Variants in ST6GALNAC3 observed in about 807,000 individuals in gnomAD.
The protein encoded by ST6GALNAC3 is alpha-N-acetylgalactosaminide alpha-2,6-sialyltransferase 3.
ST6GALNAC3 carries 25 observed loss-of-function variants against 32.7 expected under a neutral mutation model. That is an observed-to-expected ratio of 0.76 (90% CI 0.56 to 1.07). The LOEUF (loss-of-function observed/expected upper bound fraction) is 1.07, where lower values mean the gene tolerates loss of function less well. Ranked by LOEUF, ST6GALNAC3 falls within the 50% of genes least tolerant of loss-of-function variation. ST6GALNAC3 has a pLI of 0.00. For missense variants in ST6GALNAC3, 355 were observed against 382.4 expected (o/e 0.93, Z 0.60); for synonymous variants, 129 against 133.1 (o/e 0.97, Z 0.21).
intron 2 of ST6GALNAC3, among the ~76,000 whole-genome samples, chr1:76,369,125 G>A (rs371479981): frequency 2.0e-5 from 3 of 152,078 alleles, no homozygotes; most frequent in South Asian, 2.1e-4. Context: ...ATCAGAATCC[G>A]ATGTAACCAG....
chr1:76,145,859 T>C (rs772138857), intron 1 of ST6GALNAC3, among the ~76,000 whole-genome samples: 6 of 152,236 alleles, frequency 3.9e-5, no homozygotes, highest in Non-Finnish European at 5.9e-5. Flanking sequence ...TATGTGTTTT[T>C]CTAAGTTTCT....
At chr1:76,180,466 T>C (rs1248725339) in intron 1 of ST6GALNAC3, among the ~76,000 whole-genome samples, 2 of 152,102 alleles carry the variant, frequency 1.3e-5, no homozygotes, top group African/African-American at 4.8e-5. Flanking sequence ...TTACAAAGGC[T>C]CCACCCTCAA....
At chr1:76,284,949 T>C (rs770625207) in intron 1 of ST6GALNAC3, among the ~76,000 whole-genome samples, 3 of 152,028 alleles carry the variant, frequency 2.0e-5, no homozygotes, top group Non-Finnish European at 2.9e-5. Flanking sequence ...TGTGGATAGG[T>C]GTTTCTGGAT....
intron 1 of ST6GALNAC3, among the ~76,000 whole-genome samples, chr1:76,094,495 A>T (rs763819096): frequency 2.0e-5 from 3 of 152,186 alleles, no homozygotes; most frequent in Non-Finnish European, 4.4e-5. Context: ...TTTACAAAGA[A>T]GAAAACTGAG....
At chr1:76,113,979 C>A (rs532454791) in intron 1 of ST6GALNAC3, among the ~76,000 whole-genome samples, 12 of 151,152 alleles carry the variant, frequency 7.9e-5, no homozygotes, top group Non-Finnish European at 1.5e-5. Flanking sequence ...CGCCTGCCAC[C>A]ACGCCCGGCT....
At chr1:76,498,129 G>A (rs1188799180) in intron 3 of ST6GALNAC3, among the ~76,000 whole-genome samples, 3 of 152,166 alleles carry the variant, frequency 2.0e-5, no homozygotes, top group Non-Finnish European at 2.9e-5. Context: ...GCTTCTGGTA[G>A]CCCAGGCAGA....
chr1:76,286,329 G>T (rs552890120), intron 1 of ST6GALNAC3, among the ~76,000 whole-genome samples: 4 of 152,304 alleles, frequency 2.6e-5, no homozygotes, highest in African/African-American at 9.6e-5. Flanking sequence ...AATGATTATT[G>T]TATCTTCTCT....
chr1:76,313,779 CTTT>C, intron 1 of ST6GALNAC3, 23 bp from the exon 2 acceptor site: 1 of 1,610,250 alleles, frequency 6.2e-7, no homozygotes, highest in Non-Finnish European at 8.5e-7. Flanking sequence ...ATTCGTTCTT[CTTT>C]TTGTTTTTTT....
intron 3 of ST6GALNAC3, among the ~76,000 whole-genome samples, chr1:76,532,795 A>G (rs929746582): frequency 6.6e-6 from 1 of 152,146 alleles, no homozygotes; most frequent in African/African-American, 2.4e-5. Context: ...TTACTGTTGT[A>G]TGATTTTCAG....
intron 1 of ST6GALNAC3, among the ~76,000 whole-genome samples, chr1:76,156,550 T>G (rs1570236437): frequency 6.6e-6 from 1 of 152,190 alleles, no homozygotes; most frequent in African/African-American, 2.4e-5. Context: ...GTTTGGTTTT[T>G]TTTTTGCCTC....
intron 1 of ST6GALNAC3, among the ~76,000 whole-genome samples, chr1:76,223,391 G>T (rs1655889577): frequency 2.6e-5 from 4 of 151,954 alleles, no homozygotes; most frequent in Admixed American, 2.6e-4. Context: ...CAGATACTGG[G>T]GCTTATTTCA....
intron 2 of ST6GALNAC3, among the ~76,000 whole-genome samples, chr1:76,391,634 A>G (rs1199210732): frequency 1.4e-5 from 2 of 147,270 alleles, no homozygotes; most frequent in African/African-American, 5.1e-5. Flanking sequence ...TTCCTATAGC[A>G]CATAACATTG....
intron 1 of ST6GALNAC3, among the ~76,000 whole-genome samples, chr1:76,312,808 G>A (rs1047939340): frequency 7.2e-5 from 11 of 152,002 alleles, no homozygotes; most frequent in South Asian, 2.1e-4. Flanking sequence ...CTCCTTCTTC[G>A]TGCTCCAGTA....
chr1:76,522,180 A>T (rs534544997), intron 3 of ST6GALNAC3, among the ~76,000 whole-genome samples: 5 of 151,246 alleles, frequency 3.3e-5, no homozygotes, highest in Non-Finnish European at 5.9e-5. Context: ...TCCTTCAAAG[A>T]TACTGTGTAT....
At chr1:76,224,054 C>T (rs952722988) in intron 1 of ST6GALNAC3, among the ~76,000 whole-genome samples, 1 of 152,278 alleles carries the variant, frequency 6.6e-6, no homozygotes, top group African/African-American at 2.4e-5. Context: ...CCAGCCGTGA[C>T]GTGAGACTCA....
At chr1:76,091,268 A>G (rs1647041461) in intron 1 of ST6GALNAC3, among the ~76,000 whole-genome samples, 1 of 152,252 alleles carries the variant, frequency 6.6e-6, no homozygotes, top group Non-Finnish European at 1.5e-5. Context: ...TAAAGCTATT[A>G]ATGTAGGTGT....
chr1:76,629,395 T>G lies in ST6GALNAC3; in HGVS notation c.*589T>G. On this transcript the variant is annotated 3_prime_UTR_variant, in exon 5 of 5. Coordinates refer to ENST00000328299, the MANE Select transcript of ST6GALNAC3 (RefSeq NM_152996.4). The stretch of plus-strand genomic sequence containing the variant: ...CCTCAGGCCATTGCCTAATTAACAA[T>G]GAAGATTTCATGGACATCCTACACT... 1.0e-6 allele frequency: 1 copy of G among 985,560 alleles called. No individual in the cohort carries two copies. Among genetic ancestry groups the G allele is most frequent in the Non-Finnish European group, 1.2e-6 (1 of 829,822 alleles). The allele number at this position is 985,560 out of a possible 1,614,324, so 61.1% of individuals were successfully genotyped here.
At chr1:76,566,554 C>T (rs1665565916) in intron 3 of ST6GALNAC3, among the ~76,000 whole-genome samples, 1 of 152,078 alleles carries the variant, frequency 6.6e-6, no homozygotes, top group Non-Finnish European at 1.5e-5. Flanking sequence ...AGCCCTGCCC[C>T]CAAGACCCTT....
At chr1:76,104,989 G>A (rs1171975638) in intron 1 of ST6GALNAC3, among the ~76,000 whole-genome samples, 5 of 152,182 alleles carry the variant, frequency 3.3e-5, no homozygotes, top group African/African-American at 7.2e-5. Context: ...CCCACAACAC[G>A]TGGGAATTCA....
Sources: allele counts gnomAD v4.1 joint callset (sites outside exome capture counted in the v4.1 genomes callset), GRCh38; gene constraint gnomAD v4.1.1; transcripts MANE v1.5; gene names NCBI Gene and HGNC (gene_info 2026-07-23, HGNC 2026-07-21).